EFHC2: variants seen among roughly 807,000 people sequenced by gnomAD.
EFHC2 encodes EF-hand domain containing 2.
Under a neutral mutation model 52.7 loss-of-function variants are expected in EFHC2, and 18 were observed. That is an observed-to-expected ratio of 0.34 (90% CI 0.24 to 0.51). The LOEUF (loss-of-function observed/expected upper bound fraction) is 0.51. Among genes scored for constraint, EFHC2 ranks in the 20% least tolerant of loss-of-function variants. The probability of loss-of-function intolerance (pLI) is 0.97; values close to 1 mark genes in which losing one functional copy is unlikely to be tolerated. For missense variants in EFHC2, 513 were observed against 562.5 expected (o/e 0.91, Z 0.89); for synonymous variants, 203 against 204.1 (o/e 0.99, Z 0.04).
chrX:44,178,706 T>A (rs1289665005), intron 11 of EFHC2, 142 bp from the exon 12 acceptor site: 3 of 451,005 alleles, frequency 6.7e-6, no homozygotes, highest in Non-Finnish European at 1.0e-5. Flanking sequence ...TTTAACTTAA[T>A]TTCTCTTCTT....
chrX:44,178,129 T>TCTCACACACACA (rs779701339), intron 12 of EFHC2, among the ~76,000 whole-genome samples: 102 of 83,953 alleles, frequency 1.2e-3, no homozygotes, highest in Middle Eastern at 6.1e-3. Context: ...AGATGCCATA[T>TCTCACACACACA]CACACACACA....
intron 2 of EFHC2, among the ~76,000 whole-genome samples, chrX:44,289,428 TTC>T (rs1381168099): frequency 9.0e-6 from 1 of 111,223 alleles, no homozygotes; most frequent in African/African-American, 3.3e-5. Context: ...AGTTTAGATT[TTC>T]TGAGTCACAT....
In EFHC2 at chrX:44,309,876, A is replaced by G; in HGVS notation, c.231+2692T>C. 4.3e-6 allele frequency: 5 copies of G among 1,173,435 alleles called. No individual in the cohort carries two copies. The South Asian group carries it at 8.9e-5, about 21-fold the overall frequency. ...CCCAATCTGCCTTCTTCTTGACACA[A>G]GGCATCGTTCAATGGCATTGAAGAG... On this transcript the variant is annotated intron_variant, in intron 2 of 14. Coordinates refer to ENST00000420999, the MANE Select transcript of EFHC2 (RefSeq NM_025184.4).
intron 14 of EFHC2, among the ~76,000 whole-genome samples, chrX:44,156,426 T>C (rs952602158): frequency 6.2e-5 from 7 of 112,638 alleles, no homozygotes; most frequent in African/African-American, 2.3e-4. Context: ...GCTTCCTGTC[T>C]ATAAATTGGG....
chrX:44,189,013 C>T (rs931764343), intron 11 of EFHC2, among the ~76,000 whole-genome samples: 4 of 105,723 alleles, frequency 3.8e-5, no homozygotes, highest in Admixed American at 1.0e-4. Context: ...CCAGATACTT[C>T]GGAGGCTGAG....
intron 2 of EFHC2, among the ~76,000 whole-genome samples, chrX:44,288,925 T>G (rs1248013730): frequency 8.9e-6 from 1 of 111,895 alleles, no homozygotes; most frequent in Non-Finnish European, 1.9e-5. Flanking sequence ...TTGATAAAGT[T>G]TACACACTAT....
chrX:44,176,365 T>C lies in EFHC2; in HGVS notation c.1969A>G (p.Lys657Glu). 1 of 1,194,826 alleles carries C rather than the reference T, an allele frequency of 8.4e-7. No individual in the cohort carries two copies. Among genetic ancestry groups the C allele is most frequent in the Non-Finnish European group, 1.1e-6 (1 of 887,163 alleles). ...DREKKNVLPT[K>E]DIKRLCKSSR... ...GATTTGCACAGCCTTTTAATGTCTTTGGTGGGTAATACATTTTTTCTGCAT... is the reference window on the plus strand; with the variant it reads ...GATTTGCACAGCCTTTTAATGTCTTCGGTGGGTAATACATTTTTTCTGCAT... The change falls in exon 13 of 15, where the codon AAA becomes GAA. Residue 657 changes from lysine (K) to glutamate (E), a missense_variant. By Grantham distance (56) the Lys-to-Glu change is moderately conservative. Transcript: ENST00000420999.
intron 1 of EFHC2, among the ~76,000 whole-genome samples, chrX:44,331,715 G>C (rs975418499): frequency 9.0e-6 from 1 of 111,479 alleles, no homozygotes; most frequent in Admixed American, 9.5e-5. Context: ...CCAAGAGTTC[G>C]AGACCAGCCT....
chrX:44,342,288 T>C (rs929240829), intron 1 of EFHC2, among the ~76,000 whole-genome samples: 1 of 112,214 alleles, frequency 8.9e-6, no homozygotes, highest in Non-Finnish European at 1.9e-5. Flanking sequence ...CAGACAGTGT[T>C]TGGAAACCAT....
Position 44,178,415 on chromosome X carries a change from T to C in EFHC2, c.1901A>G (p.Glu634Gly), listed in dbSNP as rs1209679571. 5 of 1,203,265 alleles carry C rather than the reference T, an allele frequency of 4.2e-6. No homozygotes were observed. In the South Asian group the frequency reaches 9.1e-5, roughly 22 times the overall value. ...GGAATAAATGAAAGTGTCGAAATTC[T>C]CAAACATATTTTTCTTGAACTTTTC... Reference protein sequence around the residue: ...AHEKFKKNMFENFDTFIYSCV... With the variant: ...AHEKFKKNMFGNFDTFIYSCV... Residue 634 changes from glutamate to glycine, a missense_variant, in exon 12 of 15, where the codon GAG becomes GGG. Coordinates refer to ENST00000420999, the MANE Select transcript of EFHC2 (RefSeq NM_025184.4).
intron 2 of EFHC2, among the ~76,000 whole-genome samples, chrX:44,288,839 T>C (rs767834410): frequency 8.9e-6 from 1 of 112,339 alleles, no homozygotes; most frequent in Non-Finnish European, 1.9e-5. Context: ...TATTTTTAAT[T>C]TGGAGAGCAA....
chrX:44,337,796 G>A (rs1429380160), intron 1 of EFHC2, among the ~76,000 whole-genome samples: 1 of 112,002 alleles, frequency 8.9e-6, no homozygotes, highest in Non-Finnish European at 1.9e-5. Context: ...GAGAATTCCT[G>A]TTATTTCAAA....
chrX:44,189,750 C>G (rs2036905886), intron 11 of EFHC2, among the ~76,000 whole-genome samples: 1 of 110,932 alleles, frequency 9.0e-6, no homozygotes, highest in Admixed American at 9.6e-5. Context: ...GTTAGGGAGA[C>G]AGGGCCATCA....
At chrX:44,249,323 T>A (rs1302246242) in intron 5 of EFHC2, among the ~76,000 whole-genome samples, 3 of 111,692 alleles carry the variant, frequency 2.7e-5, no homozygotes, top group African/African-American at 3.3e-5. Flanking sequence ...AACCTTTTCA[T>A]GTGCACTAAG....
At chrX:44,221,171 C>T (rs2037190912) in intron 11 of EFHC2, among the ~76,000 whole-genome samples, 1 of 111,559 alleles carries the variant, frequency 9.0e-6, no homozygotes, top group Non-Finnish European at 1.9e-5. Flanking sequence ...TTCTTAAGTA[C>T]TTAATGTTAA....
chrX:44,235,864 C>T (rs1477434936), intron 8 of EFHC2, among the ~76,000 whole-genome samples: 1 of 112,128 alleles, frequency 8.9e-6, no homozygotes, highest in African/African-American at 3.2e-5. Context: ...CCCCATTCAC[C>T]ACTCACTGTC....
At chrX:44,195,469 A>G (rs1331467197) in intron 11 of EFHC2, among the ~76,000 whole-genome samples, 1 of 110,636 alleles carries the variant, frequency 9.0e-6, no homozygotes, top group African/African-American at 3.3e-5. Flanking sequence ...TGCGTGACAG[A>G]TATTTTCAGG....
At chrX:44,156,872 G>A (rs2036610139) in intron 14 of EFHC2, among the ~76,000 whole-genome samples, 1 of 111,988 alleles carries the variant, frequency 8.9e-6, no homozygotes, top group South Asian at 3.8e-4. Context: ...ATGGAAATGG[G>A]GTCTCCAGGC....
intron 2 of EFHC2, among the ~76,000 whole-genome samples, chrX:44,280,883 T>C (rs968414568): frequency 4.5e-5 from 5 of 111,991 alleles, no homozygotes; most frequent in African/African-American, 1.6e-4. Flanking sequence ...AAATAACTTT[T>C]CAAGTGGGTA....
Sources: gnomAD v4.1 joint callset for allele counts (sites outside exome capture counted in the v4.1 genomes callset) on GRCh38, gnomAD v4.1.1 for gene constraint, MANE v1.5 for transcripts, NCBI Gene and HGNC (gene_info 2026-07-23, HGNC 2026-07-21) for gene names.